The following HOMER1 variants were observed in gnomAD, a reference collection of about 807,000 sequenced individuals.
The protein encoded by HOMER1 is homer scaffold protein 1.
Under a neutral mutation model 48.9 loss-of-function variants are expected in HOMER1, and 3 were observed. That is an observed-to-expected ratio of 0.06 (90% CI 0.03 to 0.16). The LOEUF is 0.16. Among genes scored for constraint, HOMER1 ranks in the 10% least tolerant of loss-of-function variants. The pLI is 1.00. For missense variants in HOMER1, 247 were observed against 411.4 expected, an observed-to-expected ratio of 0.60 and a Z score of 3.46; for synonymous variants, 134 against 146.4, an observed-to-expected ratio of 0.92 and a Z score of 0.61.
At chr5:79,427,531 G>C (rs938545390) in intron 5 of HOMER1, among the ~76,000 whole-genome samples, 9 of 152,258 alleles carry the variant, frequency 5.9e-5, no homozygotes, top group Admixed American at 5.9e-4. Flanking sequence ...TGGGATTACA[G>C]GCGTGCACTA....
chr5:79,378,326 T>C (rs929647999), intron 8 of HOMER1, among the ~76,000 whole-genome samples: 1 of 151,320 alleles, frequency 6.6e-6, no homozygotes, highest in Non-Finnish European at 1.5e-5. Flanking sequence ...ATGCTACAGA[T>C]GAGTTGCAAG....
Position 79,403,345 on chromosome 5 carries a change from T to C in HOMER1, c.528-1290A>G, listed in dbSNP as rs79156100. On this transcript the variant is annotated intron_variant, in intron 5 of 8. Transcript: ENST00000334082. ...GATATTTTATAGTAATTTTAGCATA[T>C]ATTTTATTTAAAAAGCATAGTTTTC... Among the ~76,000 whole-genome samples, 1,482 of 152,278 alleles carry C rather than the reference T, an allele frequency of 9.7e-3. 61 individuals are homozygous for C. In the East Asian group the frequency reaches 0.12, roughly 13 times the overall value.
chr5:79,472,016 C>T (rs1294162048), intron 1 of HOMER1, among the ~76,000 whole-genome samples: 4 of 152,150 alleles, frequency 2.6e-5, no homozygotes, highest in Admixed American at 6.5e-5. Context: ...CTTTTATTCT[C>T]CCCCATGGTA....
At chr5:79,396,988 G>C (rs1398934777) in intron 7 of HOMER1, 85 bp from the exon 8 acceptor site, 2 of 704,074 alleles carry the variant, frequency 2.8e-6, no homozygotes, top group African/African-American at 3.7e-5. Flanking sequence ...TATTGTTCTA[G>C]TTCTTAGAAA....
intron 5 of HOMER1, among the ~76,000 whole-genome samples, chr5:79,425,470 C>T (rs902871629): frequency 6.6e-6 from 1 of 151,974 alleles, no homozygotes; most frequent in African/African-American, 2.4e-5. Flanking sequence ...AGATAATTCT[C>T]TCTCTGCAAA....
intron 1 of HOMER1, among the ~76,000 whole-genome samples, chr5:79,469,689 G>A (rs914742385): frequency 5.3e-5 from 8 of 151,530 alleles, no homozygotes; most frequent in African/African-American, 1.7e-4. Flanking sequence ...ATTTTTAAGA[G>A]ATGGGGTTAT....
intron 1 of HOMER1, among the ~76,000 whole-genome samples, chr5:79,492,310 C>T (rs535806962): frequency 6.6e-6 from 1 of 152,086 alleles, no homozygotes; most frequent in African/African-American, 2.4e-5. Context: ...TTGGGTGAAA[C>T]TACTTTGACT....
intron 8 of HOMER1, among the ~76,000 whole-genome samples, chr5:79,379,520 CAG>C (rs772029161): frequency 6.7e-5 from 9 of 134,728 alleles, no homozygotes; most frequent in Admixed American, 1.7e-4. Flanking sequence ...ATATTACAGA[CAG>C]AGAATTTTAT....
intron 5 of HOMER1, among the ~76,000 whole-genome samples, chr5:79,409,038 T>C (rs540922934): frequency 1.0e-4 from 14 of 137,310 alleles, no homozygotes; most frequent in African/African-American, 3.3e-4. Flanking sequence ...GCCAAGATCA[T>C]GCCACTGCAC....
intron 1 of HOMER1, among the ~76,000 whole-genome samples, chr5:79,510,192 C>CAA (rs778603970): frequency 2.9e-5 from 4 of 139,616 alleles, no homozygotes; most frequent in African/African-American, 7.9e-5. Context: ...ACAGGCTTTC[C>CAA]AAAAAAAAAA....
intron 5 of HOMER1, among the ~76,000 whole-genome samples, chr5:79,423,647 G>C (rs1339129749): frequency 6.6e-6 from 1 of 152,016 alleles, no homozygotes; most frequent in Non-Finnish European, 1.5e-5. Flanking sequence ...TGATTATAAA[G>C]GCAGTACTAA....
At position 79,420,742 on chromosome 5, in the gene HOMER1, A is replaced by C. The variant is rs565501729; in HGVS notation, c.527+18268T>G. ...GTTCTTAGAGTTTCCAGAGCACCCCATGGATCACTACCTCCACATCATCCA... is the reference window on the plus strand; with the variant it reads ...GTTCTTAGAGTTTCCAGAGCACCCCCTGGATCACTACCTCCACATCATCCA... On this transcript the variant is annotated intron_variant, in intron 5 of 8. Coordinates refer to ENST00000334082, the MANE Select transcript of HOMER1 (RefSeq NM_004272.5). Among the ~76,000 whole-genome samples, 3 of 152,284 alleles carry C rather than the reference A, an allele frequency of 2.0e-5. 1 individual carries two copies. The East Asian group carries it at 5.8e-4, about 29-fold the overall frequency.
chr5:79,388,314 A>G (rs1333220491), intron 8 of HOMER1, among the ~76,000 whole-genome samples: 1 of 152,204 alleles, frequency 6.6e-6, no homozygotes, highest in Non-Finnish European at 1.5e-5. Context: ...CTATTAAAGG[A>G]CATACAATCT....
chr5:79,418,594 TGAAA>T (rs1489866530), intron 5 of HOMER1, among the ~76,000 whole-genome samples: 6 of 152,230 alleles, frequency 3.9e-5, no homozygotes. Flanking sequence ...TCTGTGACTT[TGAAA>T]GAATTTTTCT....
At chr5:79,498,727 T>G (rs1039815845) in intron 1 of HOMER1, among the ~76,000 whole-genome samples, 6 of 151,978 alleles carry the variant, frequency 3.9e-5, no homozygotes, top group Admixed American at 2.0e-4. Context: ...TACAATATGG[T>G]CCAACCTTCT....
At chr5:79,504,419 A>T (rs1042664301) in intron 1 of HOMER1, among the ~76,000 whole-genome samples, 1 of 152,154 alleles carries the variant, frequency 6.6e-6, no homozygotes, top group Non-Finnish European at 1.5e-5. Flanking sequence ...GCAAAAAAAA[A>T]AAAAAGGGCA....
chr5:79,481,821 G>A (rs569457191), intron 1 of HOMER1, among the ~76,000 whole-genome samples: 3 of 152,306 alleles, frequency 2.0e-5, no homozygotes, highest in Non-Finnish European at 2.9e-5. Context: ...TACAGTAAAA[G>A]GCTGCTCTGG....
chr5:79,458,841 C>A (rs757810333), intron 1 of HOMER1, among the ~76,000 whole-genome samples: 1 of 152,120 alleles, frequency 6.6e-6, no homozygotes, highest in East Asian at 1.9e-4. Flanking sequence ...ATTGGGAATA[C>A]GTCTTATTCA....
chr5:79,403,624 C>A (rs1749587362), intron 5 of HOMER1, among the ~76,000 whole-genome samples: 1 of 152,054 alleles, frequency 6.6e-6, no homozygotes, highest in South Asian at 2.1e-4. Flanking sequence ...AAGGTGGGAT[C>A]TTAGGTAGGT....
Sources: allele counts gnomAD v4.1 joint callset (sites outside exome capture counted in the v4.1 genomes callset), GRCh38; gene constraint gnomAD v4.1.1; transcripts MANE v1.5; gene names NCBI Gene and HGNC (gene_info 2026-07-23, HGNC 2026-07-21).